MAPRE2: variants seen among roughly 807,000 people sequenced by gnomAD.
MAPRE2 encodes the protein microtubule associated protein RP/EB family member 2.
In MAPRE2, 13 loss-of-function variants were observed where a neutral mutation model predicts 43.2. The observed-to-expected ratio is 0.30, with a 90% CI of 0.20 to 0.48. MAPRE2 has a LOEUF of 0.48. MAPRE2 is among the 20% of genes least tolerant of loss of function. MAPRE2 has a pLI of 0.99. For missense variants in MAPRE2, 161 were observed against 400.2 expected (o/e 0.40, Z 5.10); for synonymous variants, 135 against 148.8 (o/e 0.91, Z 0.68).
intron 2 of MAPRE2, among the ~76,000 whole-genome samples, chr18:35,091,170 C>T (rs1042502211): frequency 6.6e-6 from 1 of 152,204 alleles, no homozygotes; most frequent in Admixed American, 6.5e-5. Flanking sequence ...CATAATGCTT[C>T]AAGATCTGAA....
intron 1 of MAPRE2, among the ~76,000 whole-genome samples, chr18:34,987,118 G>A (rs748354293): frequency 2.6e-5 from 4 of 152,086 alleles, no homozygotes; most frequent in Admixed American, 2.6e-4. Flanking sequence ...TAGAAAATTA[G>A]CAATGTTTTT....
At chr18:34,990,703 T>C (rs912400936) in intron 1 of MAPRE2, among the ~76,000 whole-genome samples, 1 of 152,160 alleles carries the variant, frequency 6.6e-6, no homozygotes, top group African/African-American at 2.4e-5. Context: ...ACAGTACTTC[T>C]ACACTGATGT....
At chr18:35,013,109 G>T (rs2097035817) in intron 2 of MAPRE2, among the ~76,000 whole-genome samples, 1 of 152,180 alleles carries the variant, frequency 6.6e-6, no homozygotes, top group African/African-American at 2.4e-5. Flanking sequence ...CAAAGAGGTT[G>T]TTAGTGATCT....
rs756333635 is a variant in MAPRE2 at position 35,140,311 on chromosome 18, A to T, written c.926A>T (p.Glu309Val). The T allele has an allele frequency of 3.1e-6, 5 of 1,613,766 alleles. No homozygotes were observed. The highest frequency in any genetic ancestry group is 3.3e-5 in the Admixed American group (2 of 60,004). Residue 309 changes from glutamate (E) to valine (V), a missense_variant, in exon 7 of 7, where the codon GAG becomes GTG. Physicochemically the swap from Glu to Val is moderately radical, Grantham distance 121 (BLOSUM62 -2). Transcript: ENST00000300249. The stretch of plus-strand genomic sequence containing the variant: ...TGCCCACAGGAGGGCCACACAGAAG[A>T]GCCGGAAGCAGAGGAGCAAGCCCAC... ...ASEEHEGHTE[E>V]PEAEEQAHEQ...
chr18:34,994,623 G>A (rs1411570285), intron 1 of MAPRE2, among the ~76,000 whole-genome samples: 1 of 152,010 alleles, frequency 6.6e-6, no homozygotes, highest in African/African-American at 2.4e-5. Context: ...TAAGCTGTTA[G>A]TTTTCCCTAG....
intron 2 of MAPRE2, among the ~76,000 whole-genome samples, chr18:35,025,217 T>C (rs1450300654): frequency 1.3e-5 from 2 of 152,202 alleles, no homozygotes; most frequent in Admixed American, 6.5e-5. Context: ...AGGAGGCCAC[T>C]TGTGGAATGA....
At chr18:35,080,979 A>G (rs557902943) in intron 2 of MAPRE2, among the ~76,000 whole-genome samples, 16 of 152,336 alleles carry the variant, frequency 1.1e-4, no homozygotes, top group African/African-American at 3.8e-4. Context: ...TGTGAAACTA[A>G]TGCGAGTCCT....
chr18:35,107,487 CCTT>C (rs142711815), intron 4 of MAPRE2, among the ~76,000 whole-genome samples: 6,922 of 152,174 alleles, frequency 0.045, 328 homozygotes, highest in East Asian at 0.22. Flanking sequence ...TCACCTCTCA[CCTT>C]CTTTTGGGAA....
intron 1 of MAPRE2, among the ~76,000 whole-genome samples, chr18:34,984,921 T>A (rs180923891): frequency 1.9e-4 from 1 of 5,358 alleles, no homozygotes; most frequent in East Asian, 0.016. Context: ...TAATATATAA[T>A]ATATTTTATG....
chr18:34,987,599 T>C (rs1254393517), intron 1 of MAPRE2, among the ~76,000 whole-genome samples: 1 of 152,208 alleles, frequency 6.6e-6, no homozygotes, highest in African/African-American at 2.4e-5. Flanking sequence ...ATTTTATTCA[T>C]ATAAAATTCC....
intron 1 of MAPRE2, among the ~76,000 whole-genome samples, chr18:35,065,111 A>G (rs568358080): frequency 1.3e-5 from 2 of 152,182 alleles, no homozygotes; most frequent in South Asian, 4.1e-4. Flanking sequence ...TCTGGCCAAC[A>G]TGGTGAAACC....
intron 5 of MAPRE2, among the ~76,000 whole-genome samples, chr18:35,130,270 T>A (rs1910088814): frequency 6.6e-6 from 1 of 152,182 alleles, no homozygotes; most frequent in Non-Finnish European, 1.5e-5. Context: ...AGGAAAGGAT[T>A]TCTAGAATAA....
intron 2 of MAPRE2, among the ~76,000 whole-genome samples, chr18:35,080,280 A>G (rs1232704368): frequency 6.6e-6 from 1 of 152,208 alleles, no homozygotes; most frequent in Non-Finnish European, 1.5e-5. Context: ...GAGTACCTGC[A>G]ATGTGTCAGG....
intron 5 of MAPRE2, 171 bp from the exon 6 acceptor site, chr18:35,131,861 C>A: frequency 1.6e-6 from 1 of 638,214 alleles, no homozygotes; most frequent in Non-Finnish European, 2.7e-6. Flanking sequence ...GACGTTTTGG[C>A]CCAGGGTCAA....
At chr18:34,990,653 T>G (rs2097023297) in intron 1 of MAPRE2, among the ~76,000 whole-genome samples, 1 of 152,166 alleles carries the variant, frequency 6.6e-6, no homozygotes, top group Admixed American at 6.5e-5. Context: ...CTAGGGAATT[T>G]TTTTAGATGT....
intron 1 of MAPRE2, among the ~76,000 whole-genome samples, chr18:35,000,983 G>A (rs1190554878): frequency 6.6e-6 from 1 of 152,162 alleles, no homozygotes; most frequent in African/African-American, 2.4e-5. Context: ...AGTGACTTGA[G>A]ATCAATCCGG....
chr18:35,138,611 C>G (rs575016516), intron 6 of MAPRE2, among the ~76,000 whole-genome samples: 3 of 152,138 alleles, frequency 2.0e-5, no homozygotes, highest in Non-Finnish European at 2.9e-5. Flanking sequence ...TACCATGTGC[C>G]AAATACTCTT....
chr18:35,047,973 A>C (rs1011011272), intron 1 of MAPRE2, among the ~76,000 whole-genome samples: 1 of 152,210 alleles, frequency 6.6e-6, no homozygotes, highest in Non-Finnish European at 1.5e-5. Context: ...TCCAGCAGGT[A>C]AAATGACCAT....
chr18:35,011,389 G>A (rs2097034566), intron 2 of MAPRE2, among the ~76,000 whole-genome samples: 1 of 152,200 alleles, frequency 6.6e-6, no homozygotes, highest in South Asian at 2.1e-4. Context: ...AATAAGAGAA[G>A]CATTTGGCAT....
Sources: gnomAD v4.1 joint callset for allele counts (sites outside exome capture counted in the v4.1 genomes callset) on GRCh38, gnomAD v4.1.1 for gene constraint, MANE v1.5 for transcripts, NCBI Gene and HGNC (gene_info 2026-07-23, HGNC 2026-07-21) for gene names.